Variants in SIN3B observed in about 807,000 individuals in gnomAD.
SIN3B encodes paired amphipathic helix protein Sin3b.
SIN3B carries 19 observed loss-of-function variants against 120.2 expected under a neutral mutation model. The ratio of observed to expected loss-of-function variants is 0.16; its 90% CI spans 0.11 to 0.23. SIN3B has a LOEUF of 0.23. Ranked by LOEUF, SIN3B falls within the 10% of genes least tolerant of loss-of-function variation. The pLI, the probability that SIN3B is intolerant of heterozygous loss-of-function variation, is 1.00. For missense variants in SIN3B, 1,073 were observed against 1,573.0 expected (o/e 0.68, Z 5.38); for synonymous variants, 654 against 653.2 (o/e 1.00, Z -0.02).
At chr19:16,873,100 G>A (rs192851284) in intron 14 of SIN3B, among the ~76,000 whole-genome samples, 3 of 152,162 alleles carry the variant, frequency 2.0e-5, no homozygotes, top group Non-Finnish European at 2.9e-5. Context: ...GCTCAGGGGC[G>A]TCTCTCCATC....
rs1197618660 is a variant in SIN3B at position 16,878,369 on chromosome 19, G to A, written c.3141G>A (p.Gly1047=). The change falls in exon 18 of 19, where the codon GGG becomes GGA. Residue 1047 remains glycine, a synonymous_variant. Coordinates refer to ENST00000248054, the MANE Select transcript of SIN3B (RefSeq NM_001297595.2). ...VNSEDYMYRR[G]TLCRAKQVQP... is the part of the protein sequence containing the mutation. ...CCGAGGACTACATGTACCGTCGCGG[G>A]ACCCTCTGCCGGGCCAAGCAGGTGC... is the stretch of plus-strand genomic sequence containing the variant. 2 of 1,611,800 alleles carry A rather than the reference G, an allele frequency of 1.2e-6. No homozygotes were observed. The highest frequency in any genetic ancestry group is 1.7e-6 in the Non-Finnish European group (2 of 1,179,534).
chr19:16,836,643 G>T (rs578231762), intron 3 of SIN3B, among the ~76,000 whole-genome samples: 2 of 152,286 alleles, frequency 1.3e-5, no homozygotes, highest in African/African-American at 2.4e-5. Context: ...CTGGAACGTC[G>T]CCAGGGAGCA....
In SIN3B at chr19:16,853,620, TTGC is replaced by T. The variant is rs1568418117; in HGVS notation, c.939+466_939+468del. On this transcript the variant is annotated intron_variant, in intron 7 of 18. Coordinates refer to ENST00000248054, the MANE Select transcript of SIN3B (RefSeq NM_001297595.2). The stretch of plus-strand genomic sequence containing the variant: ...TGGACACATGCATGGACTGTGTGAA[TTGC>T]TGCACAGATGGCATGCATGGGCTGT... 2.6e-5 allele frequency among the ~76,000 whole-genome samples: 4 copies of T among 151,142 alleles called. No homozygotes were observed. The South Asian group carries it at 6.3e-4, about 24-fold the overall frequency.
chr19:16,858,395 G>C (rs1002447245), intron 8 of SIN3B, among the ~76,000 whole-genome samples: 3 of 152,142 alleles, frequency 2.0e-5, no homozygotes, highest in Non-Finnish European at 4.4e-5. Flanking sequence ...CAGGATAGCT[G>C]CTTGATTACA....
chr19:16,867,050 T>A (rs186900383), intron 12 of SIN3B, among the ~76,000 whole-genome samples: 5 of 152,310 alleles, frequency 3.3e-5, no homozygotes, highest in Admixed American at 2.6e-4. Flanking sequence ...CCACCGCTCC[T>A]GGCCGACTCT....
At chr19:16,845,912 C>A (rs544332366) in intron 4 of SIN3B, among the ~76,000 whole-genome samples, 3 of 152,064 alleles carry the variant, frequency 2.0e-5, no homozygotes, top group Non-Finnish European at 4.4e-5. Flanking sequence ...TTTTTTTAAT[C>A]ATTTCTCAGC....
Position 16,863,565 on chromosome 19 carries a change from TTGGTATTATGTATCAGGA to T in SIN3B, c.1267-100_1267-83del, listed in dbSNP as rs1971718534. 13 of 734,572 alleles carry T rather than the reference TTGGTATTATGTATCAGGA, an allele frequency of 1.8e-5. No individual in the cohort carries two copies. The Admixed American group carries it at 2.5e-4, about 14-fold the overall frequency. The allele number at this position is 734,572 out of a possible 1,614,324, so 45.5% of individuals were successfully genotyped here. ...GCACCTTCCCATTTGTATAAGGCAG[TTGGTATTATGTATCAGGA>T]TGGTATTATGTATCTTGGTACTTTC... On this transcript the variant is annotated intron_variant, in intron 9 of 18. Transcript: ENST00000248054.
At chr19:16,864,519 A>G (rs371752747) in intron 10 of SIN3B, among the ~76,000 whole-genome samples, 1 of 151,272 alleles carries the variant, frequency 6.6e-6, no homozygotes, top group East Asian at 2.0e-4. Flanking sequence ...TTTTGTAGAC[A>G]TGAAGTCTCA....
intron 12 of SIN3B, 103 bp downstream of exon 12, chr19:16,866,659 G>C: frequency 8.5e-7 from 1 of 1,171,284 alleles, no homozygotes; most frequent in Non-Finnish European, 1.2e-6. Context: ...CAGGGTAGTG[G>C]CATTGCCCTT....
intron 3 of SIN3B, among the ~76,000 whole-genome samples, chr19:16,838,201 T>C (rs1210188800): frequency 6.6e-6 from 1 of 152,008 alleles, no homozygotes; most frequent in Non-Finnish European, 1.5e-5. Flanking sequence ...TTTAAAAATG[T>C]TTCATATTGT....
intron 3 of SIN3B, among the ~76,000 whole-genome samples, chr19:16,836,836 C>A (rs892947208): frequency 6.6e-6 from 1 of 152,202 alleles, no homozygotes; most frequent in Non-Finnish European, 1.5e-5. Flanking sequence ...AAGGGAGCCC[C>A]CTGGCTGTTC....
chr19:16,861,297 A>G (rs1466870241), intron 8 of SIN3B, among the ~76,000 whole-genome samples: 1 of 152,194 alleles, frequency 6.6e-6, no homozygotes, highest in Non-Finnish European at 1.5e-5. Context: ...CAGTGCGTAC[A>G]CAAGTGGATG....
chr19:16,870,164 T>G, intron 13 of SIN3B, 89 bp downstream of exon 13: 1 of 1,300,340 alleles, frequency 7.7e-7, no homozygotes, highest in Admixed American at 2.9e-5. Flanking sequence ...GTTACTTTTC[T>G]TTCTGGCTTT....
chr19:16,853,329 C>A (rs1971569125), intron 7 of SIN3B, among the ~76,000 whole-genome samples, 171 bp downstream of exon 7: 1 of 152,214 alleles, frequency 6.6e-6, no homozygotes, highest in Non-Finnish European at 1.5e-5. Flanking sequence ...GAATGTGGGC[C>A]TCCTTGGAGC....
intron 17 of SIN3B, 72 bp from the exon 18 acceptor site, chr19:16,878,111 G>T (rs1599620513): frequency 7.6e-7 from 1 of 1,318,376 alleles, no homozygotes; most frequent in Non-Finnish European, 1.0e-6. Context: ...AGGCCTGGGG[G>T]TTTCCCAGCC....
intron 3 of SIN3B, among the ~76,000 whole-genome samples, chr19:16,832,537 G>T (rs1425009097): frequency 3.6e-5 from 5 of 139,250 alleles, no homozygotes; most frequent in African/African-American, 1.1e-4. Context: ...TTCTCACTCT[G>T]TTGCCCAGGC....
chr19:16,833,484 C>T (rs1303595206), intron 3 of SIN3B, among the ~76,000 whole-genome samples: 2 of 151,808 alleles, frequency 1.3e-5, no homozygotes, highest in African/African-American at 4.8e-5. Context: ...GTACAAAAAT[C>T]AGCCAGGCGC....
chr19:16,829,980 C>G, intron 2 of SIN3B, 83 bp downstream of exon 2: 1 of 894,274 alleles, frequency 1.1e-6, no homozygotes, highest in Admixed American at 1.9e-5. Context: ...CCCTCTCCAG[C>G]CTGCCCCCTT....
At chr19:16,840,747 C>CT (rs1375354959) in intron 3 of SIN3B, among the ~76,000 whole-genome samples, 1 of 152,240 alleles carries the variant, frequency 6.6e-6, no homozygotes, top group African/African-American at 2.4e-5. Context: ...GAAGCTCACT[C>CT]TGTTTCTCAC....
Sources: allele counts gnomAD v4.1 joint callset (sites outside exome capture counted in the v4.1 genomes callset), GRCh38; gene constraint gnomAD v4.1.1; transcripts MANE v1.5; gene names NCBI Gene and HGNC (gene_info 2026-07-23, HGNC 2026-07-21).